The following ZC3H13 variants were observed in gnomAD, a reference collection of about 807,000 sequenced individuals.
ZC3H13 encodes zinc finger CCCH domain-containing protein 13.
A neutral mutation model predicts 204.1 loss-of-function variants in ZC3H13; 64 were observed. That is an observed-to-expected ratio of 0.31 (90% CI 0.26 to 0.39). The LOEUF is 0.39. Among genes scored for constraint, ZC3H13 ranks in the 10% least tolerant of loss-of-function variants. ZC3H13 has a pLI of 1.00. For synonymous variants in ZC3H13, 667 were observed against 693.7 expected, an observed-to-expected ratio of 0.96 and a Z score of 0.60; for missense variants, 1,833 against 2,082.7, an observed-to-expected ratio of 0.88 and a Z score of 2.33.
Position 45,973,166 on chromosome 13 carries a change from T to C in ZC3H13, c.2468+2117A>G, listed in dbSNP as rs371661287. 3.9e-5 allele frequency among the ~76,000 whole-genome samples: 6 copies of C among 152,274 alleles called. No individual in the cohort carries two copies. The East Asian group carries it at 1.2e-3, about 29-fold the overall frequency. ...ATATATCAAGAGATAACTGACAGAC[T>C]GGAATAAAGTGAAAATTTAAAACAT... is the stretch of plus-strand genomic sequence containing the variant. On this transcript the variant is annotated intron_variant, in intron 12 of 18. Coordinates refer to ENST00000679008, the MANE Select transcript of ZC3H13 (RefSeq NM_001330564.2).
intron 7 of ZC3H13, among the ~76,000 whole-genome samples, chr13:46,006,430 A>G (rs1171531481): frequency 6.6e-6 from 1 of 151,956 alleles, no homozygotes; most frequent in Non-Finnish European, 1.5e-5. Flanking sequence ...TTTGTCTTCT[A>G]AATACAATAT....
In ZC3H13 at chr13:46,052,736, G is replaced by A; in HGVS notation, c.-342C>T. ...GGACCGCCTCAAAATGCCGCCGGAA[G>A]TCAGAGGTTTGCCCTGTTCCTCTGT... On this transcript the variant is annotated 5_prime_UTR_variant, in exon 1 of 19. Transcript: ENST00000679008. The A allele has an allele frequency of 2.5e-6, 1 of 397,680 alleles. No homozygotes were observed. The highest frequency in any genetic ancestry group is 4.4e-6 in the Non-Finnish European group (1 of 225,590). The allele number at this position is 397,680 out of a possible 1,614,324, so 24.6% of individuals were successfully genotyped here. A position where few individuals can be genotyped will look rare whatever the true frequency, so the allele number is the denominator to read the frequency against.
In ZC3H13 at chr13:45,975,263, T is replaced by A; in HGVS notation, c.2468+20A>T. Reference sequence around the variant, plus strand: ...TTCCTGAAATGTAAAATGTTATTAATAACTGATAATTATTCTTACTTTGAT... The same window carrying A: ...TTCCTGAAATGTAAAATGTTATTAAAAACTGATAATTATTCTTACTTTGAT... On this transcript the variant is annotated intron_variant, in intron 12 of 18. Transcript: ENST00000679008. 1 of 1,597,782 alleles carries A rather than the reference T, an allele frequency of 6.3e-7. No individual in the cohort carries two copies. The highest frequency in any genetic ancestry group is 8.5e-7 in the Non-Finnish European group (1 of 1,170,312).
chr13:45,971,241 C>T (rs1952557904), intron 12 of ZC3H13, among the ~76,000 whole-genome samples: 1 of 152,024 alleles, frequency 6.6e-6, no homozygotes, highest in African/African-American at 2.4e-5. Context: ...CTAGTGTTTT[C>T]CCCCATTTTC....
intron 4 of ZC3H13, among the ~76,000 whole-genome samples, chr13:46,035,306 A>T (rs900000066): frequency 6.6e-6 from 1 of 152,226 alleles, no homozygotes; most frequent in Non-Finnish European, 1.5e-5. Context: ...ACAGATCAAG[A>T]GAAAAGACAT....
intron 4 of ZC3H13, among the ~76,000 whole-genome samples, chr13:46,031,804 C>T (rs1019089973): frequency 6.6e-6 from 1 of 152,118 alleles, no homozygotes; most frequent in Non-Finnish European, 1.5e-5. Context: ...GTGGAGCAAT[C>T]GAAACTCACT....
chr13:45,996,749 A>C (rs2040363207), intron 8 of ZC3H13, among the ~76,000 whole-genome samples: 1 of 135,550 alleles, frequency 7.4e-6, no homozygotes, highest in South Asian at 2.3e-4. Context: ...GAATATGTAC[A>C]AAAAAAAAAA....
intron 9 of ZC3H13, among the ~76,000 whole-genome samples, chr13:45,987,152 C>T (rs1377386774): frequency 6.6e-6 from 1 of 152,160 alleles, no homozygotes; most frequent in South Asian, 2.1e-4. Context: ...TACCTACCTC[C>T]CTATCCTTCC....
intron 5 of ZC3H13, among the ~76,000 whole-genome samples, chr13:46,013,766 T>C (rs551486083): frequency 6.6e-6 from 1 of 152,290 alleles, no homozygotes; most frequent in East Asian, 1.9e-4. Flanking sequence ...GATTGTTAAG[T>C]CATCAGAAAA....
chr13:45,985,046 T>C (rs1245873512), intron 10 of ZC3H13, among the ~76,000 whole-genome samples: 1 of 152,216 alleles, frequency 6.6e-6, no homozygotes, highest in African/African-American at 2.4e-5. Flanking sequence ...ATTTTCTTAG[T>C]GTTCCACATT....
chr13:46,008,689 G>A (rs2041331521), intron 7 of ZC3H13, among the ~76,000 whole-genome samples: 1 of 152,150 alleles, frequency 6.6e-6, no homozygotes, highest in Non-Finnish European at 1.5e-5. Flanking sequence ...TTGGGGAAAT[G>A]AATAGAATTG....
At chr13:45,998,567 T>C (rs2040508903) in intron 8 of ZC3H13, among the ~76,000 whole-genome samples, 1 of 151,576 alleles carries the variant, frequency 6.6e-6, no homozygotes, top group Non-Finnish European at 1.5e-5. Context: ...GAGAATGGCA[T>C]GAATCCAGGA....
At chr13:46,021,912 A>C (rs1441980877) in intron 4 of ZC3H13, among the ~76,000 whole-genome samples, 1 of 151,964 alleles carries the variant, frequency 6.6e-6, no homozygotes, top group African/African-American at 2.4e-5. Context: ...CTGAATAACT[A>C]TACCAAAAAT....
intron 15 of ZC3H13, among the ~76,000 whole-genome samples, 179 bp from the exon 16 acceptor site, chr13:45,965,611 T>C (rs995119020): frequency 6.6e-6 from 1 of 152,138 alleles, no homozygotes; most frequent in African/African-American, 2.4e-5. Context: ...AAAAATAAAA[T>C]TTAATTAGTT....
At chr13:46,030,085 A>T (rs1159546053) in intron 4 of ZC3H13, among the ~76,000 whole-genome samples, 1 of 152,220 alleles carries the variant, frequency 6.6e-6, no homozygotes, top group Non-Finnish European at 1.5e-5. Flanking sequence ...TTCAAAAATC[A>T]ATTAATGTAA....
At position 45,989,037 on chromosome 13, in the gene ZC3H13, G is replaced by C. The variant is rs773394096; in HGVS notation, c.1005C>G (p.Ser335=). Residue 335 remains serine (S), a synonymous_variant, in exon 9 of 19, where the codon TCC becomes TCG. Transcript: ENST00000679008. ...SPISSRHHSS[S]SQSGSSIQRH... ...TTTGAATAGATGATCCTGATTGTGA[G>C]GAAGATGAGTGATGTCTAGAAGATA... 17 of 1,614,044 alleles carry C rather than the reference G, an allele frequency of 1.1e-5. No individual in the cohort carries two copies. Among genetic ancestry groups the C allele is most frequent in the East Asian group, 2.2e-5 (1 of 44,880 alleles).
chr13:45,967,459 G>T (rs1952189281), intron 15 of ZC3H13, 45 bp downstream of exon 15: 1 of 1,476,974 alleles, frequency 6.8e-7, no homozygotes, highest in Admixed American at 2.5e-5. Flanking sequence ...CACGAAATCT[G>T]AAAAGAAATA....
chr13:45,960,856 T>C (rs1388320965), intron 17 of ZC3H13, among the ~76,000 whole-genome samples: 1 of 152,214 alleles, frequency 6.6e-6, no homozygotes, highest in Non-Finnish European at 1.5e-5. Flanking sequence ...GAAGCTGCAA[T>C]ACATAGCCGA....
chr13:46,002,995 T>C, intron 8 of ZC3H13, 144 bp downstream of exon 8: 1 of 639,346 alleles, frequency 1.6e-6, no homozygotes, highest in Non-Finnish European at 2.5e-6. Context: ...ATAATAATTA[T>C]TATGGGAATT....
Sources: allele counts gnomAD v4.1 joint callset (sites outside exome capture counted in the v4.1 genomes callset), GRCh38; gene constraint gnomAD v4.1.1; transcripts MANE v1.5; gene names NCBI Gene and HGNC (gene_info 2026-07-23, HGNC 2026-07-21).